The following IL1RAPL1 variants were observed in gnomAD, a reference collection of about 807,000 sequenced individuals.
IL1RAPL1 encodes interleukin-1 receptor accessory protein-like 1.
A neutral mutation model predicts 48.4 loss-of-function variants in IL1RAPL1; 3 were observed. The observed-to-expected ratio is 0.06, with a 90% CI of 0.03 to 0.16. The LOEUF (loss-of-function observed/expected upper bound fraction) is 0.16, where lower values mean the gene tolerates loss of function less well. Among genes scored for constraint, IL1RAPL1 ranks in the 10% least tolerant of loss-of-function variants. IL1RAPL1 has a pLI of 1.00. For missense variants in IL1RAPL1, 349 were observed against 530.6 expected (o/e 0.66, Z 3.36); for synonymous variants, 185 against 187.7 (o/e 0.99, Z 0.12).
chrX:29,889,703 CTAT>C lies in IL1RAPL1; in HGVS notation c.779-27754_779-27752del, dbSNP rs778409066. Among the ~76,000 whole-genome samples, 196 of 111,135 alleles carry C rather than the reference CTAT, an allele frequency of 1.8e-3. 1 individual carries two copies. The highest frequency in any genetic ancestry group is 3.2e-3 in the Admixed American group (33 of 10,406). ...ATATGCATATGTTTGTCATGTTTGT[CTAT>C]TATTATACACACGTGTTGTTTATAT... is the stretch of plus-strand genomic sequence containing the variant. On this transcript the variant is annotated intron_variant, in intron 6 of 10. Transcript: ENST00000378993.
At chrX:28,873,106 CTTTTTTTTTTT>C (rs764591682) in intron 2 of IL1RAPL1, among the ~76,000 whole-genome samples, 3 of 64,973 alleles carry the variant, frequency 4.6e-5, no homozygotes, top group African/African-American at 2.5e-4. Flanking sequence ...TTTTTTTTCA[CTTTTTTTTTTT>C]TTTTTTTTTT....
At chrX:29,039,785 CAAAAAAAA>C (rs35505034) in intron 2 of IL1RAPL1, among the ~76,000 whole-genome samples, 2 of 61,906 alleles carry the variant, frequency 3.2e-5, no homozygotes, top group African/African-American at 5.9e-5. Flanking sequence ...TAACAATCCT[CAAAAAAAA>C]AAAAAAAAAA....
At chrX:28,855,958 G>T (rs1265091156) in intron 2 of IL1RAPL1, among the ~76,000 whole-genome samples, 1 of 111,521 alleles carries the variant, frequency 9.0e-6, no homozygotes, top group East Asian at 2.8e-4. Flanking sequence ...AATTCTAGGG[G>T]CTTTCAAATG....
chrX:29,585,898 G>C (rs1390398811), intron 5 of IL1RAPL1, among the ~76,000 whole-genome samples: 6 of 110,930 alleles, frequency 5.4e-5, no homozygotes, highest in Admixed American at 4.8e-4. Context: ...TTGTTTGTTT[G>C]CTATTGAGTT....
chrX:29,906,912 G>GACTT (rs1353452430), intron 6 of IL1RAPL1, among the ~76,000 whole-genome samples: 2 of 110,341 alleles, frequency 1.8e-5, no homozygotes, highest in East Asian at 5.7e-4. Flanking sequence ...GGAACTCACT[G>GACTT]ACTTAAGTAA....
chrX:29,862,000 C>T (rs765445500), intron 6 of IL1RAPL1, among the ~76,000 whole-genome samples: 6 of 109,533 alleles, frequency 5.5e-5, no homozygotes, highest in Non-Finnish European at 1.1e-4. Context: ...CCCAGAAGTT[C>T]GAGACCAGCT....
At chrX:29,145,801 A>C (rs1929339511) in intron 2 of IL1RAPL1, among the ~76,000 whole-genome samples, 1 of 111,750 alleles carries the variant, frequency 8.9e-6, no homozygotes, top group Non-Finnish European at 1.9e-5. Flanking sequence ...TTCTTGACTC[A>C]TATCTCTCTC....
chrX:29,815,501 G>A (rs1210321388), intron 6 of IL1RAPL1, among the ~76,000 whole-genome samples: 2 of 110,921 alleles, frequency 1.8e-5, no homozygotes, highest in African/African-American at 6.5e-5. Flanking sequence ...GGGTTTTCTG[G>A]GTATAGAATT....
intron 1 of IL1RAPL1, among the ~76,000 whole-genome samples, chrX:28,711,237 G>C (rs1189374220): frequency 9.0e-6 from 1 of 111,655 alleles, no homozygotes; most frequent in Non-Finnish European, 1.9e-5. Context: ...GTAGTTTACT[G>C]ACATATTGAA....
At chrX:28,907,455 A>T (rs199731055) in intron 2 of IL1RAPL1, among the ~76,000 whole-genome samples, 3 of 111,643 alleles carry the variant, frequency 2.7e-5, no homozygotes, top group African/African-American at 9.8e-5. Context: ...GGGTTTTGCC[A>T]TGTTGACCAG....
intron 1 of IL1RAPL1, among the ~76,000 whole-genome samples, chrX:28,657,121 C>T (rs940303029): frequency 3.6e-5 from 4 of 111,008 alleles, no homozygotes; most frequent in African/African-American, 6.6e-5. Context: ...AGGTTATATC[C>T]GTAGCTCATT....
At chrX:28,737,199 T>TTC (rs1393296661) in intron 1 of IL1RAPL1, among the ~76,000 whole-genome samples, 11 of 85,068 alleles carry the variant, frequency 1.3e-4, no homozygotes, top group African/African-American at 2.7e-4. Flanking sequence ...TTCTCTTTCT[T>TTC]TCTTTCTCTT....
rs1932470053 is a variant in IL1RAPL1 at position 29,900,216 on chromosome X, C to A, written c.779-17248C>A. ...CAAAACAGTGAGTTCACTGTTACAT[C>A]TTAAATAATAAACAACATGCATTAG... On this transcript the variant is annotated intron_variant, in intron 6 of 10. Transcript: ENST00000378993. 2.7e-5 allele frequency among the ~76,000 whole-genome samples: 3 copies of A among 112,264 alleles called. No homozygotes were observed. The South Asian group carries it at 1.1e-3, about 42-fold the overall frequency.
chrX:29,855,693 A>G (rs1931463555), intron 6 of IL1RAPL1, among the ~76,000 whole-genome samples: 1 of 109,801 alleles, frequency 9.1e-6, no homozygotes, highest in African/African-American at 3.4e-5. Context: ...TTTAAAAGCA[A>G]TAATACCCCT....
At chrX:29,457,839 C>T (rs756892007) in intron 5 of IL1RAPL1, among the ~76,000 whole-genome samples, 14 of 112,455 alleles carry the variant, frequency 1.2e-4, no homozygotes, top group African/African-American at 4.2e-4. Flanking sequence ...CTCTTTTCTC[C>T]GCAGCCTCAC....
chrX:29,273,401 C>T (rs1424190669), intron 2 of IL1RAPL1, among the ~76,000 whole-genome samples: 1 of 111,374 alleles, frequency 9.0e-6, no homozygotes, highest in Middle Eastern at 4.2e-3. Flanking sequence ...TAGGGGGCCA[C>T]GGCTCAACAC....
chrX:29,328,705 T>G (rs1932860277), intron 3 of IL1RAPL1, among the ~76,000 whole-genome samples: 1 of 108,626 alleles, frequency 9.2e-6, no homozygotes, highest in African/African-American at 3.3e-5. Context: ...CATAAATGAA[T>G]AATTGTAGAA....
At chrX:29,565,792 GT>G (rs1922381344) in intron 5 of IL1RAPL1, among the ~76,000 whole-genome samples, 2 of 111,781 alleles carry the variant, frequency 1.8e-5, no homozygotes, top group Admixed American at 9.5e-5. Context: ...TTTTATGGTT[GT>G]TTGTGGTAGG....
intron 6 of IL1RAPL1, among the ~76,000 whole-genome samples, chrX:29,856,276 T>C (rs932207484): frequency 1.3e-4 from 15 of 111,793 alleles, no homozygotes; most frequent in African/African-American, 4.5e-4. Flanking sequence ...AGGTAAAGCC[T>C]GGAATCCTTG....
Sources: gnomAD v4.1 joint callset for allele counts (sites outside exome capture counted in the v4.1 genomes callset) on GRCh38, gnomAD v4.1.1 for gene constraint, MANE v1.5 for transcripts, NCBI Gene and HGNC (gene_info 2026-07-23, HGNC 2026-07-21) for gene names.